ENTREP1: variants seen among roughly 807,000 people sequenced by gnomAD.
ENTREP1 encodes the protein Friedreich ataxia region gene X123.
the ENTREP1 span, among the ~76,000 whole-genome samples, chr9:69,377,917 C>A: frequency 6.6e-6 from 1 of 152,024 alleles, no homozygotes; most frequent in Non-Finnish European, 1.5e-5. Context: ...GCTAGTGAAC[C>A]CTGTGGTATG....
At chr9:69,386,860 A>C in the ENTREP1 span, 1 of 152,270 alleles carries the variant, frequency 6.6e-6, no homozygotes, top group Non-Finnish European at 1.5e-5. Flanking sequence ...GTGGAGAGGA[A>C]GTCCTGCCGC....
At chr9:69,360,669 A>G in the ENTREP1 span, among the ~76,000 whole-genome samples, 4 of 152,060 alleles carry the variant, frequency 2.6e-5, no homozygotes, top group Non-Finnish European at 5.9e-5. Context: ...GACTTGCTCT[A>G]TCTGGACTGG....
the ENTREP1 span, chr9:69,383,903 A>G: frequency 5.7e-6 from 9 of 1,575,234 alleles, no homozygotes; most frequent in East Asian, 2.2e-5. Context: ...ATGAGGGGTG[A>G]GTTAAACATC....
At chr9:69,330,378 G>C in the ENTREP1 span, among the ~76,000 whole-genome samples, 10 of 152,188 alleles carry the variant, frequency 6.6e-5, no homozygotes, top group Non-Finnish European at 1.5e-4. Flanking sequence ...ACTCCTCTCT[G>C]AGTGCCCTAT....
chr9:69,390,615 T>C, the ENTREP1 span, among the ~76,000 whole-genome samples: 3 of 152,236 alleles, frequency 2.0e-5, no homozygotes, highest in African/African-American at 7.2e-5. Context: ...ATCAGATCCA[T>C]TTGAAGCATC....
the ENTREP1 span, among the ~76,000 whole-genome samples, chr9:69,354,922 C>T: frequency 1.2e-4 from 19 of 152,120 alleles, no homozygotes; most frequent in Admixed American, 1.1e-3. Flanking sequence ...TCCATTAAAC[C>T]GTTCCCTCCT....
At chr9:69,368,084 G>C in the ENTREP1 span, among the ~76,000 whole-genome samples, 2 of 151,656 alleles carry the variant, frequency 1.3e-5, no homozygotes, top group South Asian at 4.1e-4. Context: ...TCAGATTTAA[G>C]AGTCTTTTGG....
At chr9:69,335,799 T>C in the ENTREP1 span, among the ~76,000 whole-genome samples, 159 of 47,666 alleles carry the variant, frequency 3.3e-3, no homozygotes, top group African/African-American at 0.011. Context: ...GTGTTCTTAA[T>C]TGACATTAAG....
At chr9:69,350,788 T>C in the ENTREP1 span, among the ~76,000 whole-genome samples, 1 of 152,334 alleles carries the variant, frequency 6.6e-6, no homozygotes, top group African/African-American at 2.4e-5. Flanking sequence ...AATGAAGTCA[T>C]TGCTTGATGC....
At chr9:69,370,419 A>G in the ENTREP1 span, among the ~76,000 whole-genome samples, 4 of 152,136 alleles carry the variant, frequency 2.6e-5, no homozygotes, top group Admixed American at 2.6e-4. Flanking sequence ...GACATATTCT[A>G]TATGCTGCCC....
At chr9:69,351,510 G>A in the ENTREP1 span, among the ~76,000 whole-genome samples, 36 of 152,124 alleles carry the variant, frequency 2.4e-4, no homozygotes, top group African/African-American at 7.7e-4. Flanking sequence ...TCCACCTCGC[G>A]GGTTCAAGTG....
At chr9:69,336,406 T>C in the ENTREP1 span, 1 of 551,798 alleles carries the variant, frequency 1.8e-6, no homozygotes, top group East Asian at 3.0e-5. Context: ...ATATTAGAAG[T>C]CAGATGATCA....
the ENTREP1 span, chr9:69,325,034 C>T: frequency 1.0e-6 from 1 of 985,414 alleles, no homozygotes; most frequent in Non-Finnish European, 1.2e-6. Context: ...TGCCCCGGCA[C>T]AGCGCGAGCA....
At chr9:69,354,254 A>ATTTTTTTTTTTTTTTTT in the ENTREP1 span, among the ~76,000 whole-genome samples, 4 of 105,648 alleles carry the variant, frequency 3.8e-5, 1 homozygote, top group Non-Finnish European at 1.8e-5. Flanking sequence ...CTATTGCAAC[A>ATTTTTTTTTTTTTTTTT]TTTTTTTTTT....
chr9:69,363,363 G>T, the ENTREP1 span, among the ~76,000 whole-genome samples: 3 of 152,120 alleles, frequency 2.0e-5, no homozygotes, highest in African/African-American at 7.2e-5. Flanking sequence ...AATAGGAATG[G>T]GGCTTAATGA....
chr9:69,339,983 C>G, the ENTREP1 span, among the ~76,000 whole-genome samples: 1 of 152,178 alleles, frequency 6.6e-6, no homozygotes, highest in African/African-American at 2.4e-5. Flanking sequence ...TCCCCGAGAA[C>G]AAGAGTCTTG....
the ENTREP1 span, among the ~76,000 whole-genome samples, chr9:69,365,751 C>A: frequency 1.3e-5 from 2 of 152,102 alleles, no homozygotes; most frequent in Non-Finnish European, 2.9e-5. Flanking sequence ...TGTTTAAGCT[C>A]CCACATGTGA....
chr9:69,354,253 CAT>C, the ENTREP1 span, among the ~76,000 whole-genome samples: 2 of 53,292 alleles, frequency 3.8e-5, no homozygotes, highest in African/African-American at 1.8e-4. Flanking sequence ...CCTATTGCAA[CAT>C]TTTTTTTTTT....
chr9:69,332,814 G>A, the ENTREP1 span, among the ~76,000 whole-genome samples: 9 of 152,056 alleles, frequency 5.9e-5, no homozygotes, highest in Admixed American at 5.2e-4. Context: ...ACTTTTTTCC[G>A]CTGAAATAAA....
Sources: gnomAD v4.1 joint callset for allele counts (sites outside exome capture counted in the v4.1 genomes callset) on GRCh38, gnomAD v4.1.1 for gene constraint, MANE v1.5 for transcripts, NCBI Gene and HGNC (gene_info 2026-07-23, HGNC 2026-07-21) for gene names.